The following QKI variants were observed in gnomAD, a reference collection of about 807,000 sequenced individuals.
The protein encoded by QKI is QKI, KH domain containing RNA binding.
In QKI, 10 loss-of-function variants were observed where a neutral mutation model predicts 39.0. That is an observed-to-expected ratio of 0.26 (90% CI 0.16 to 0.43). The LOEUF (loss-of-function observed/expected upper bound fraction) is 0.43. Among genes scored for constraint, QKI ranks in the 20% least tolerant of loss-of-function variants. The probability of loss-of-function intolerance (pLI) is 1.00; values close to 1 mark genes in which losing one functional copy is unlikely to be tolerated. For synonymous variants in QKI, 204 were observed against 155.4 expected (o/e 1.31, Z -2.33); for missense variants, 218 against 428.0 (o/e 0.51, Z 4.33).
chr6:163,563,921 C>T lies in QKI; in HGVS notation c.934+202C>T, dbSNP rs1783190475. On this transcript the variant is annotated intron_variant, in intron 6 of 7. Coordinates refer to ENST00000361752, the MANE Select transcript of QKI (RefSeq NM_006775.3). ...TGCACCTTAAATTTATTCAGATCCA[C>T]TTTGGTAACTGAGGTTCAGTTTGGT... 5.0e-6 allele frequency: 7 copies of T among 1,406,694 alleles called. No homozygotes were observed. In the East Asian group the frequency reaches 7.7e-5, roughly 16 times the overall value. 87.1% of individuals were successfully genotyped at this position (1,406,694 alleles called of 1,614,324 possible). A position where few individuals can be genotyped will look rare whatever the true frequency, so the allele number is the denominator to read the frequency against.
intron 1 of QKI, among the ~76,000 whole-genome samples, chr6:163,420,203 ATGGTT>A (rs1787890033): frequency 3.1e-5 from 1 of 32,432 alleles, no homozygotes; most frequent in African/African-American, 1.3e-4. Context: ...TTTTTTTTTT[ATGGTT>A]TGGTTTGGTT....
intron 3 of QKI, among the ~76,000 whole-genome samples, chr6:163,513,016 T>G (rs560248901): frequency 6.6e-6 from 1 of 152,318 alleles, no homozygotes; most frequent in Non-Finnish European, 1.5e-5. Context: ...TACAAGATGC[T>G]TCGAGAGATC....
intron 1 of QKI, among the ~76,000 whole-genome samples, chr6:163,436,472 C>G (rs1286254902): frequency 6.6e-6 from 1 of 152,100 alleles, no homozygotes; most frequent in Non-Finnish European, 1.5e-5. Context: ...TACAAATTCT[C>G]TATTCAGGGA....
chr6:163,568,444 G>A, intron 7 of QKI: 1 of 985,468 alleles, frequency 1.0e-6, no homozygotes, highest in Non-Finnish European at 1.2e-6. Flanking sequence ...TACGTGTTTT[G>A]ATTAGTCCTG....
At chr6:163,480,905 C>G (rs1208637805) in intron 3 of QKI, among the ~76,000 whole-genome samples, 3 of 152,056 alleles carry the variant, frequency 2.0e-5, no homozygotes, top group African/African-American at 7.2e-5. Flanking sequence ...TTAACAAAAC[C>G]CCTTTTTCCC....
chr6:163,424,459 C>T (rs995291261), intron 1 of QKI, among the ~76,000 whole-genome samples: 2 of 152,050 alleles, frequency 1.3e-5, no homozygotes, highest in African/African-American at 4.8e-5. Flanking sequence ...ATCATGACTC[C>T]GCAATTAACT....
chr6:163,554,313 G>A (rs1161526623), intron 4 of QKI, among the ~76,000 whole-genome samples: 3 of 152,100 alleles, frequency 2.0e-5, no homozygotes, highest in Non-Finnish European at 2.9e-5. Flanking sequence ...CTTCAGGGTC[G>A]GCTGCTTTAC....
intron 3 of QKI, among the ~76,000 whole-genome samples, chr6:163,495,365 A>G (rs1299560173): frequency 6.6e-6 from 1 of 152,150 alleles, no homozygotes; most frequent in African/African-American, 2.4e-5. Context: ...ACTTTACCAC[A>G]AATAATGAGA....
At chr6:163,444,655 G>GT (rs1790010739) in intron 1 of QKI, among the ~76,000 whole-genome samples, 1 of 152,154 alleles carries the variant, frequency 6.6e-6, no homozygotes, top group African/African-American at 2.4e-5. Context: ...TTGGAGAAGA[G>GT]TAACGAATAT....
At chr6:163,560,371 C>T (rs983596869) in intron 4 of QKI, among the ~76,000 whole-genome samples, 2 of 152,142 alleles carry the variant, frequency 1.3e-5, no homozygotes, top group African/African-American at 4.8e-5. Context: ...TGAGGACCTG[C>T]TGTCTGTCGT....
At chr6:163,522,952 T>C (rs1358492741) in intron 3 of QKI, among the ~76,000 whole-genome samples, 7 of 152,206 alleles carry the variant, frequency 4.6e-5, no homozygotes, top group Non-Finnish European at 1.0e-4. Context: ...TGATGGAACC[T>C]CCTGTTAGTC....
rs541592844 is a variant in QKI, at chr6:163,503,733, GT to G, written c.402+24845del. 5.3e-5 allele frequency among the ~76,000 whole-genome samples: 8 copies of G among 151,536 alleles called. No individual in the cohort carries two copies. In the South Asian group the frequency reaches 1.3e-3, roughly 24 times the overall value. On this transcript the variant is annotated intron_variant, in intron 3 of 7. Coordinates refer to ENST00000361752, the MANE Select transcript of QKI (RefSeq NM_006775.3). ...ATTTTAATCTTTAATCTGTTTTGAG[GT>G]TTTTTTTAAACTGTTATTTTTTGGA...
At chr6:163,446,189 T>A (rs1790139943) in intron 1 of QKI, among the ~76,000 whole-genome samples, 1 of 152,180 alleles carries the variant, frequency 6.6e-6, no homozygotes, top group Non-Finnish European at 1.5e-5. Flanking sequence ...ATTTATTCAG[T>A]TATTTATATC....
At chr6:163,521,711 G>A (rs1780172299) in intron 3 of QKI, among the ~76,000 whole-genome samples, 1 of 152,052 alleles carries the variant, frequency 6.6e-6, no homozygotes, top group Admixed American at 6.6e-5. Context: ...TTAGTAGACA[G>A]GGTTTCACCA....
intron 1 of QKI, among the ~76,000 whole-genome samples, chr6:163,454,638 G>T (rs1583018191): frequency 6.6e-6 from 1 of 151,982 alleles, no homozygotes; most frequent in Admixed American, 6.6e-5. Flanking sequence ...TTCTTGGTTT[G>T]GATCTTCTTT....
At chr6:163,461,762 G>A (rs1270532245) in intron 2 of QKI, among the ~76,000 whole-genome samples, 1 of 152,124 alleles carries the variant, frequency 6.6e-6, no homozygotes, top group Non-Finnish European at 1.5e-5. Context: ...TCTACTTTCA[G>A]CCCAATTTGA....
At chr6:163,424,242 C>T (rs898319646) in intron 1 of QKI, among the ~76,000 whole-genome samples, 1 of 152,126 alleles carries the variant, frequency 6.6e-6, no homozygotes, top group African/African-American at 2.4e-5. Context: ...TACCCTGAAA[C>T]CGCATCTAAT....
chr6:163,463,435 C>G (rs1289820174), intron 2 of QKI, among the ~76,000 whole-genome samples: 1 of 152,184 alleles, frequency 6.6e-6, no homozygotes, highest in Non-Finnish European at 1.5e-5. Context: ...TCAAAACATA[C>G]TGCAGCATAC....
At chr6:163,560,970 A>C (rs530253792) in intron 4 of QKI, among the ~76,000 whole-genome samples, 6 of 152,328 alleles carry the variant, frequency 3.9e-5, no homozygotes, top group African/African-American at 1.4e-4. Flanking sequence ...TTAGGTTTGA[A>C]GCATGGTTAT....
Sources: gnomAD v4.1 joint callset for allele counts (sites outside exome capture counted in the v4.1 genomes callset) on GRCh38, gnomAD v4.1.1 for gene constraint, MANE v1.5 for transcripts, NCBI Gene and HGNC (gene_info 2026-07-23, HGNC 2026-07-21) for gene names.